The following PLEKHM2 variants were observed in gnomAD, a reference collection of about 807,000 sequenced individuals.
The protein encoded by PLEKHM2 is pleckstrin homology and RUN domain containing M2.
A neutral mutation model predicts 116.3 loss-of-function variants in PLEKHM2; 77 were observed. The ratio of observed to expected loss-of-function variants is 0.66; its 90% confidence interval spans 0.55 to 0.80. PLEKHM2 has a LOEUF of 0.80. PLEKHM2 is among the 30% of genes least tolerant of loss of function. PLEKHM2 has a pLI of 0.00. For synonymous variants in PLEKHM2, 562 were observed against 571.0 expected (o/e 0.98, Z 0.22); for missense variants, 1,183 against 1,354.9 (o/e 0.87, Z 1.99).
In PLEKHM2 at chr1:15,719,822, C is replaced by T. The variant is rs748388504; in HGVS notation, c.554C>T (p.Ser185Leu). 43 of 1,613,766 alleles carry T rather than the reference C, an allele frequency of 2.7e-5. No individual in the cohort carries two copies. The highest frequency in any genetic ancestry group is 4.4e-5 in the South Asian group (4 of 91,052). ...GACTTTGAAGACCGCCTTCCCAGCT[C>T]GGTCCACGGCTCAGACAGTCTGTCC... The part of the protein sequence containing the change: ...LLDFEDRLPS[S>L]VHGSDSLSLN... The change falls in exon 6 of 20, where the codon TCG becomes TTG. Residue 185 changes from serine (S) to leucine (L), a missense_variant. Transcript: ENST00000375799. The surrounding 1 kb of genome is among the most constrained non-coding windows in gnomAD (Gnocchi z 4.1).
chr1:15,727,913 T>A lies in PLEKHM2; in HGVS notation c.1760+81T>A. 1 of 1,283,544 alleles carries A rather than the reference T, an allele frequency of 7.8e-7. No homozygotes were observed. Among genetic ancestry groups the A allele is most frequent in the Non-Finnish European group, 1.1e-6 (1 of 922,328 alleles). 79.5% of individuals were successfully genotyped at this position (1,283,544 alleles called of 1,614,324 possible). On this transcript the variant is annotated intron_variant, in intron 9 of 19. Coordinates refer to ENST00000375799, the MANE Select transcript of PLEKHM2 (RefSeq NM_015164.4). The surrounding 1 kb of genome is among the most constrained non-coding windows in gnomAD (Gnocchi z 7.5). ...CTGTGCCTCTGACCTCCAGATAAATTAAGCACTAGGAAGACCTAGCCTGAG... is the reference window on the plus strand; with the variant it reads ...CTGTGCCTCTGACCTCCAGATAAATAAAGCACTAGGAAGACCTAGCCTGAG...
At chr1:15,730,753 C>CT in intron 15 of PLEKHM2, 31 bp downstream of exon 15, 1 of 1,554,022 alleles carries the variant, frequency 6.4e-7, no homozygotes, top group Non-Finnish European at 8.7e-7. Flanking sequence ...AGGCCTGGGG[C>CT]TTGGGCCCTG....
At chr1:15,707,302 A>G (rs765990628) in intron 1 of PLEKHM2, among the ~76,000 whole-genome samples, 2 of 151,792 alleles carry the variant, frequency 1.3e-5, no homozygotes, top group Non-Finnish European at 2.9e-5. Flanking sequence ...GTGTGGTGGT[A>G]CATACCTGTA....
intron 1 of PLEKHM2, among the ~76,000 whole-genome samples, chr1:15,695,841 A>G (rs1640985326): frequency 6.6e-6 from 1 of 151,766 alleles, no homozygotes; most frequent in South Asian, 2.1e-4. Flanking sequence ...TTGCTCTGTC[A>G]CCCAGGGTGG....
At chr1:15,720,055 A>C in intron 6 of PLEKHM2, 135 bp downstream of exon 6, 2 of 637,002 alleles carry the variant, frequency 3.1e-6, no homozygotes, top group South Asian at 2.7e-5. Flanking sequence ...AGGGCTGGCC[A>C]TTTCCCAGAT....
upstream of PLEKHM2, among the ~76,000 whole-genome samples, chr1:15,682,632 ACAAAAC>A (rs1640670380): frequency 7.9e-6 from 1 of 126,110 alleles, no homozygotes; most frequent in Non-Finnish European, 1.7e-5. Flanking sequence ...AACAAACAAA[ACAAAAC>A]AAAACAAAAA....
chr1:15,730,947 G>A (rs892604795), intron 15 of PLEKHM2, among the ~76,000 whole-genome samples: 1 of 152,174 alleles, frequency 6.6e-6, no homozygotes, highest in African/African-American at 2.4e-5. Context: ...TGCCTCAGGG[G>A]AGGATGCAGG....
Position 15,716,258 on chromosome 1 carries a change from T to C in PLEKHM2, c.82T>C (p.Cys28Arg). 6.3e-7 allele frequency: 1 copy of C among 1,599,136 alleles called. No homozygotes were observed. The highest frequency in any genetic ancestry group is 8.5e-7 in the Non-Finnish European group (1 of 1,171,922). The change falls in exon 2 of 20, where the codon TGT becomes CGT. Residue 28 changes from cysteine to arginine, a missense_variant. Coordinates refer to ENST00000375799, the MANE Select transcript of PLEKHM2 (RefSeq NM_015164.4). ...TCAGTTGCAGAGCTATTTTGCTGCA[T>C]GTGAGGATGAGATCCCTGCCATCCG... ...VKKLQSYFAACEDEIPAIRNH... is the reference protein window; with the variant it reads ...VKKLQSYFAAREDEIPAIRNH...
rs2067954626 is a variant in PLEKHM2 at position 15,719,299 on chromosome 1, A to G, written c.466-435A>G. Among the ~76,000 whole-genome samples, 1 of 152,112 alleles carries G rather than the reference A, an allele frequency of 6.6e-6. No individual in the cohort carries two copies. Among genetic ancestry groups the G allele is most frequent in the Non-Finnish European group, 1.5e-5 (1 of 68,018 alleles). On this transcript the variant is annotated intron_variant, in intron 5 of 19. Coordinates refer to ENST00000375799, the MANE Select transcript of PLEKHM2 (RefSeq NM_015164.4). The surrounding 1 kb of genome is among the most constrained non-coding windows in gnomAD (Gnocchi z 4.1). Reference sequence around the variant, plus strand: ...ACCTCGTCTCTACTAAAAAAATACAAAAGTTAGCGGGGTGTGGTGATGGGC... The same window carrying G: ...ACCTCGTCTCTACTAAAAAAATACAGAAGTTAGCGGGGTGTGGTGATGGGC...
chr1:15,707,281 AAATT>A (rs1191147587), intron 1 of PLEKHM2, among the ~76,000 whole-genome samples: 4 of 151,584 alleles, frequency 2.6e-5, no homozygotes, highest in African/African-American at 9.7e-5. Context: ...AAAAAAAAAA[AAATT>A]AGCCAGGTGT....
intron 7 of PLEKHM2, 25 bp from the exon 8 acceptor site, chr1:15,725,292 G>T: frequency 6.6e-7 from 1 of 1,524,080 alleles, no homozygotes; most frequent in South Asian, 1.2e-5. Flanking sequence ...CTGACAGGGT[G>T]TCTCCTGCTT....
Position 15,729,047 on chromosome 1 carries a change from C to T in PLEKHM2, c.1987-55C>T. The T allele has an allele frequency of 4.0e-6, 6 of 1,502,090 alleles. No homozygotes were observed. The highest frequency in any genetic ancestry group is 5.5e-6 in the Non-Finnish European group (6 of 1,098,348). The allele number at this position is 1,502,090 out of a possible 1,614,324, so 93.0% of individuals were successfully genotyped here. On this transcript the variant is annotated intron_variant, in intron 12 of 19. Transcript: ENST00000375799. The surrounding 1 kb of genome is among the most constrained non-coding windows in gnomAD (Gnocchi z 4.7). ...GCGCTCAGCCTGGCCAAGCTGCCTT[C>T]TCCGCCAGGCAGCAGCTAAGCCCCA... is the stretch of plus-strand genomic sequence containing the variant.
rs184585762 is a variant in PLEKHM2 at position 15,719,901 on chromosome 1, G to A, written c.633G>A (p.Ala211=). ...TSTNLEWDDS[A]IAPSSEDYDF... ...CCAACCTGGAGTGGGATGACAGTGC[G>A]ATTGCCCCATCTAGTGAGGGTGAGT... The change falls in exon 6 of 20, where the codon GCG becomes GCA. Residue 211 remains alanine, a synonymous_variant. Transcript: ENST00000375799. This position sits in a 1 kb window ranked among gnomAD's most constrained non-coding sequence, Gnocchi z 4.1. 10 of 1,613,202 alleles carry A rather than the reference G, an allele frequency of 6.2e-6. No individual in the cohort carries two copies. The East Asian group carries it at 1.3e-4, about 22-fold the overall frequency.
Position 15,692,663 on chromosome 1 carries a change from C to T in PLEKHM2, c.60+8045C>T, listed in dbSNP as rs1025805617. Among the ~76,000 whole-genome samples the T allele has an allele frequency of 4.2e-4, 64 of 152,190 alleles. 1 individual carries two copies. The highest frequency in any genetic ancestry group is 2.1e-4 in the South Asian group (1 of 4,830). ...GTGTTGCTAAGGCTGGTCTTGAACT[C>T]CTGGCCTCAAGCCTTCCTCTCACTC... On this transcript the variant is annotated intron_variant, in intron 1 of 19. Transcript: ENST00000375799.
At chr1:15,683,234 G>A (rs1640682792), upstream of PLEKHM2, 2 of 152,178 alleles carry the variant, frequency 1.3e-5, no homozygotes, top group Admixed American at 1.3e-4. Flanking sequence ...CTAGGGCTGG[G>A]GACTGGAGTC....
At chr1:15,720,857 TGGGCCACCTTAGA>T in intron 6 of PLEKHM2, 1 of 153,684 alleles carries the variant, frequency 6.5e-6, no homozygotes, top group South Asian at 2.1e-4. Flanking sequence ...GTTGGGCCCA[TGGGCCACCTTAGA>T]GGAGTTGGAG....
chr1:15,685,486 T>C (rs1018961966), intron 1 of PLEKHM2, among the ~76,000 whole-genome samples: 1 of 148,530 alleles, frequency 6.7e-6, no homozygotes, highest in African/African-American at 2.5e-5. Flanking sequence ...TCTCCCTCTC[T>C]GTGTGTGTGT....
At position 15,732,459 on chromosome 1, in the gene PLEKHM2, C is replaced by G; in HGVS notation, c.2735C>G (p.Ser912Cys). ...HEDCQTSFFR[S>C]LGTAKLGDIS... The stretch of plus-strand genomic sequence containing the variant: ...GATTGCCAGACCAGCTTCTTCCGCT[C>G]TTTGGGCACAGCCAAGCTGGGCGAC... Residue 912 changes from serine to cysteine, a missense_variant, in exon 18 of 20, where the codon TCT (serine) becomes TGT (cysteine). Ser to Cys is a moderately radical substitution (Grantham distance 112). This residue lies in a region of PLEKHM2 where 594 missense variants were observed against 720.1 expected (regional missense o/e 0.82). Coordinates refer to ENST00000375799, the MANE Select transcript of PLEKHM2 (RefSeq NM_015164.4). 6.2e-7 allele frequency: 1 copy of G among 1,602,014 alleles called. No homozygotes were observed. Among genetic ancestry groups the G allele is most frequent in the Non-Finnish European group, 8.5e-7 (1 of 1,174,716 alleles).
chr1:15,707,909 A>G (rs935501092), intron 1 of PLEKHM2, among the ~76,000 whole-genome samples: 1 of 152,116 alleles, frequency 6.6e-6, no homozygotes. Flanking sequence ...TTTGAGATGG[A>G]GTCTCGCTCT....
Sources: allele counts gnomAD v4.1 joint callset (sites outside exome capture counted in the v4.1 genomes callset), GRCh38; gene constraint gnomAD v4.1.1; regional missense constraint gnomAD v4.1.1; non-coding constraint Gnocchi (gnomAD v3.1); transcripts MANE v1.5; gene names NCBI Gene and HGNC (gene_info 2026-07-23, HGNC 2026-07-21).